The following OR1F1 variants were observed in gnomAD, a reference collection of about 807,000 sequenced individuals.
OR1F1 encodes olfactory receptor 1F1.
For synonymous variants in OR1F1, 184 were observed against 156.7 expected (o/e 1.17, Z -1.30); for missense variants, 493 against 376.3 (o/e 1.31, Z -2.57).
At chr16:3,194,574 C>T in the OR1F1 span, among the ~76,000 whole-genome samples, 1 of 152,206 alleles carries the variant, frequency 6.6e-6, no homozygotes, top group African/African-American at 2.4e-5. Flanking sequence ...CAAGCAGCGA[C>T]TCTGAGGCCC....
chr16:3,196,328 C>T, the OR1F1 span, among the ~76,000 whole-genome samples: 2 of 152,136 alleles, frequency 1.3e-5, no homozygotes, highest in Non-Finnish European at 2.9e-5. Context: ...AGGTTAGTAA[C>T]GTTTAGCAAG....
upstream of OR1F1, among the ~76,000 whole-genome samples, chr16:3,199,663 GAC>G (rs1384729777): frequency 6.6e-6 from 1 of 152,124 alleles, no homozygotes; most frequent in Non-Finnish European, 1.5e-5. Context: ...TTAAACAAGA[GAC>G]ACACAGCAAA....
At chr16:3,205,338 C>G (rs1267983736), downstream of OR1F1, 2 of 618,422 alleles carry the variant, frequency 3.2e-6, no homozygotes, top group Non-Finnish European at 5.5e-6. Flanking sequence ...TTTTTTGAGA[C>G]AGGGTCATGC....
the OR1F1 span, among the ~76,000 whole-genome samples, chr16:3,193,829 A>C: frequency 1.4e-4 from 22 of 152,136 alleles, no homozygotes; most frequent in Non-Finnish European, 2.8e-4. Context: ...TCCTTGAATA[A>C]ATGCCCAAAC....
At chr16:3,199,671 G>A (rs976992534), upstream of OR1F1, among the ~76,000 whole-genome samples, 15 of 152,154 alleles carry the variant, frequency 9.9e-5, no homozygotes, top group African/African-American at 3.6e-4. Flanking sequence ...GAGACACACA[G>A]CAAAACAAAT....
upstream of OR1F1, among the ~76,000 whole-genome samples, chr16:3,203,245 C>T (rs537567639): frequency 5.3e-5 from 8 of 152,286 alleles, no homozygotes; most frequent in African/African-American, 1.9e-4. Flanking sequence ...ACCCTAGTGG[C>T]CATGGAGGCT....
At chr16:3,201,807 C>T (rs1958138655), upstream of OR1F1, among the ~76,000 whole-genome samples, 1 of 152,108 alleles carries the variant, frequency 6.6e-6, no homozygotes, top group Middle Eastern at 3.2e-3. Flanking sequence ...CCAGTGACAC[C>T]CAGGCGTCAC....
upstream of OR1F1, among the ~76,000 whole-genome samples, chr16:3,200,791 G>A (rs1241023651): frequency 1.3e-5 from 2 of 152,138 alleles, no homozygotes; most frequent in East Asian, 1.9e-4. Context: ...CACCACAGTT[G>A]CTGTGTCCCA....
the OR1F1 span, among the ~76,000 whole-genome samples, chr16:3,191,567 T>C: frequency 6.6e-6 from 1 of 151,774 alleles, no homozygotes; most frequent in Non-Finnish European, 1.5e-5. Flanking sequence ...GAGCCCCACG[T>C]TGGGCGACTT....
chr16:3,198,779 A>G, the OR1F1 span, among the ~76,000 whole-genome samples: 315 of 151,676 alleles, frequency 2.1e-3, no homozygotes, highest in Non-Finnish European at 3.5e-3. Context: ...CTTAAGCCCA[A>G]GCGTTCAAGA....
the OR1F1 span, among the ~76,000 whole-genome samples, chr16:3,193,204 G>A: frequency 6.6e-6 from 1 of 152,182 alleles, no homozygotes; most frequent in Non-Finnish European, 1.5e-5. Context: ...GAGATTACTG[G>A]CGCGAGCCTC....
At chr16:3,192,363 C>T in the OR1F1 span, among the ~76,000 whole-genome samples, 1 of 152,218 alleles carries the variant, frequency 6.6e-6, no homozygotes, top group African/African-American at 2.4e-5. Context: ...AACAGCCATG[C>T]ACTTTCAAGG....
At chr16:3,195,189 C>T in the OR1F1 span, among the ~76,000 whole-genome samples, 1 of 152,224 alleles carries the variant, frequency 6.6e-6, no homozygotes, top group African/African-American at 2.4e-5. Context: ...TCCCCCCAAC[C>T]GTTCCTTCTC....
downstream of OR1F1, chr16:3,205,214 CA>C: frequency 6.6e-7 from 1 of 1,519,352 alleles, no homozygotes; most frequent in Non-Finnish European, 9.0e-7. Context: ...ATCTCATTCC[CA>C]AGGAAATTTA....
At chr16:3,189,312 G>A in the OR1F1 span, among the ~76,000 whole-genome samples, 1 of 152,228 alleles carries the variant, frequency 6.6e-6, no homozygotes, top group African/African-American at 2.4e-5. Flanking sequence ...GCTATTGGGA[G>A]GTTCCCATGT....
At chr16:3,199,015 A>G in the OR1F1 span, among the ~76,000 whole-genome samples, 1 of 148,852 alleles carries the variant, frequency 6.7e-6, no homozygotes, top group East Asian at 2.0e-4. Flanking sequence ...ATGGTGGCTC[A>G]CGCCTATAAT....
chr16:3,192,820 G>T, the OR1F1 span, among the ~76,000 whole-genome samples: 36 of 152,162 alleles, frequency 2.4e-4, no homozygotes, highest in African/African-American at 8.4e-4. Context: ...CTAAGAGGGC[G>T]CTGACTTGGG....
At chr16:3,195,676 C>A in the OR1F1 span, among the ~76,000 whole-genome samples, 650 of 98,774 alleles carry the variant, frequency 6.6e-3, no homozygotes, top group Admixed American at 6.7e-3. Context: ...GAGTGGAACT[C>A]AAAAAAAAAA....
chr16:3,198,558 A>G, the OR1F1 span, among the ~76,000 whole-genome samples: 22 of 152,284 alleles, frequency 1.4e-4, no homozygotes, highest in African/African-American at 5.1e-4. Flanking sequence ...GGCCTGGTCT[A>G]TGTTGGACCT....
Sources: allele counts gnomAD v4.1 joint callset (sites outside exome capture counted in the v4.1 genomes callset), GRCh38; gene constraint gnomAD v4.1.1; transcripts MANE v1.5; gene names NCBI Gene and HGNC (gene_info 2026-07-23, HGNC 2026-07-21).